The following HIVEP1 variants were observed in gnomAD, a reference collection of about 807,000 sequenced individuals.
HIVEP1 encodes zinc finger protein 40.
A neutral mutation model predicts 180.0 loss-of-function variants in HIVEP1; 36 were observed. The ratio of observed to expected loss-of-function variants is 0.20; its 90% CI spans 0.15 to 0.26. HIVEP1 has a LOEUF of 0.26. Among genes scored for constraint, HIVEP1 ranks in the 10% least tolerant of loss-of-function variants. The pLI is 1.00. For synonymous variants in HIVEP1, 1,239 were observed against 1,239.0 expected (o/e 1.00, Z 0.00); for missense variants, 3,143 against 3,268.7 (o/e 0.96, Z 0.94).
chr6:12,098,570 A>G (rs1773905883), intron 3 of HIVEP1, among the ~76,000 whole-genome samples: 1 of 152,244 alleles, frequency 6.6e-6, no homozygotes, highest in South Asian at 2.1e-4. Flanking sequence ...TATGAGACCA[A>G]AAAGAAAGAA....
At chr6:12,127,967 C>T (rs1488594360) in intron 4 of HIVEP1, among the ~76,000 whole-genome samples, 3 of 152,100 alleles carry the variant, frequency 2.0e-5, no homozygotes, top group Admixed American at 6.5e-5. Context: ...TTATGATTCA[C>T]AATGGGAAAG....
intron 2 of HIVEP1, among the ~76,000 whole-genome samples, chr6:12,028,563 CA>C (rs1164316568): frequency 6.6e-6 from 1 of 152,178 alleles, no homozygotes; most frequent in African/African-American, 2.4e-5. Context: ...ATTCAGCATT[CA>C]TGTTAATATC....
intron 2 of HIVEP1, among the ~76,000 whole-genome samples, chr6:12,088,427 G>A (rs1455570115): frequency 6.6e-6 from 1 of 152,084 alleles, no homozygotes; most frequent in Non-Finnish European, 1.5e-5. Flanking sequence ...ATGTCATGAA[G>A]TATGTATATC....
chr6:12,016,376 T>C (rs968499184), intron 2 of HIVEP1, among the ~76,000 whole-genome samples: 2 of 152,224 alleles, frequency 1.3e-5, no homozygotes, highest in African/African-American at 2.4e-5. Context: ...CTTCAGGAGA[T>C]AAGAATGTAG....
intron 2 of HIVEP1, among the ~76,000 whole-genome samples, chr6:12,017,542 C>T (rs1379449964): frequency 6.6e-6 from 1 of 152,244 alleles, no homozygotes; most frequent in Non-Finnish European, 1.5e-5. Context: ...GTTGCAACTG[C>T]TGCCTCCGGC....
intron 7 of HIVEP1, among the ~76,000 whole-genome samples, chr6:12,152,411 G>A (rs935221831): frequency 6.6e-6 from 1 of 151,962 alleles, no homozygotes; most frequent in African/African-American, 2.4e-5. Flanking sequence ...TGTTTAGGGG[G>A]CAGGGGCAGA....
rs981184785 is a variant in HIVEP1, at chr6:12,015,611, G to C, written c.-18G>C. ...CTGCAGTTTTTAAGAAGAAAAAGAAGGCCCTGAGTCAAAGAAGATGCCTCG... is the reference window on the plus strand; with the variant it reads ...CTGCAGTTTTTAAGAAGAAAAAGAACGCCCTGAGTCAAAGAAGATGCCTCG... On this transcript the variant is annotated 5_prime_UTR_variant, in exon 2 of 9. Transcript: ENST00000379388. 6.2e-7 allele frequency: 1 copy of C among 1,610,550 alleles called. No homozygotes were observed. The highest frequency in any genetic ancestry group is 1.3e-5 in the African/African-American group (1 of 74,692).
intron 4 of HIVEP1, among the ~76,000 whole-genome samples, chr6:12,126,464 TA>T (rs879860889): frequency 3.9e-5 from 6 of 152,232 alleles, no homozygotes; most frequent in Non-Finnish European, 8.8e-5. Flanking sequence ...TCAAGATTTA[TA>T]AAGTAATTTA....
At chr6:12,170,722 A>G in the HIVEP1 span, among the ~76,000 whole-genome samples, 2 of 152,214 alleles carry the variant, frequency 1.3e-5, no homozygotes, top group Admixed American at 6.5e-5. Context: ...TGGGCTCGTC[A>G]AGTGGAAAGA....
chr6:12,011,833 C>A (rs1025978672), upstream of HIVEP1, among the ~76,000 whole-genome samples: 1 of 147,252 alleles, frequency 6.8e-6, no homozygotes, highest in African/African-American at 2.5e-5. Flanking sequence ...CCGCGCCCCT[C>A]GCCCCGGCCT....
rs9471072 is a variant in HIVEP1, at chr6:12,151,430, A to G, written c.6488-10009A>G. 3.4e-3 allele frequency among the ~76,000 whole-genome samples: 515 copies of G among 152,314 alleles called. 3 individuals are homozygous for G. Among genetic ancestry groups the G allele is most frequent in the African/African-American group, 0.01 (433 of 41,574 alleles). On this transcript the variant is annotated intron_variant, in intron 7 of 8. Coordinates refer to ENST00000379388, the MANE Select transcript of HIVEP1 (RefSeq NM_002114.4). Reference sequence around the variant, plus strand: ...CCCTCCTGAAGTATTAGTGTGTATTATACACACCAAGAAAGGAACAATTGT... The same window carrying G: ...CCCTCCTGAAGTATTAGTGTGTATTGTACACACCAAGAAAGGAACAATTGT...
At chr6:12,115,790 A>G (rs1372657108) in intron 3 of HIVEP1, among the ~76,000 whole-genome samples, 1 of 151,826 alleles carries the variant, frequency 6.6e-6, no homozygotes, top group African/African-American at 2.4e-5. Context: ...AAATGACAAC[A>G]TTTCTGGAAT....
At chr6:12,094,986 T>C (rs1773704202) in intron 3 of HIVEP1, among the ~76,000 whole-genome samples, 1 of 152,018 alleles carries the variant, frequency 6.6e-6, no homozygotes, top group South Asian at 2.1e-4. Context: ...TCTTCAGTTT[T>C]AGGAAGTTGT....
chr6:12,131,773 A>C (rs1734132415), intron 6 of HIVEP1, among the ~76,000 whole-genome samples: 1 of 118,018 alleles, frequency 8.5e-6, no homozygotes, highest in Non-Finnish European at 1.8e-5. Context: ...ATGTCTGAGA[A>C]AACAGTAAAA....
the HIVEP1 span, among the ~76,000 whole-genome samples, chr6:12,203,030 A>G: frequency 0.38 from 58,266 of 152,166 alleles, 12,181 homozygotes; most frequent in East Asian, 0.56. Context: ...AAACATTTTC[A>G]GATGTTGAAT....
At chr6:12,202,539 A>G in the HIVEP1 span, among the ~76,000 whole-genome samples, 2 of 152,152 alleles carry the variant, frequency 1.3e-5, no homozygotes. Context: ...GGTTGAATCC[A>G]TTCTTAATTA....
upstream of HIVEP1, chr6:12,011,955 G>A (rs1282351777): frequency 7.7e-6 from 1 of 129,166 alleles, no homozygotes; most frequent in African/African-American, 2.8e-5. Context: ...CCGCGGGAAA[G>A]CCTCCGACCT....
chr6:12,014,158 G>A (rs1410038793), intron 1 of HIVEP1, among the ~76,000 whole-genome samples: 1 of 152,158 alleles, frequency 6.6e-6, no homozygotes, highest in African/African-American at 2.4e-5. Context: ...CTTCAGAGAG[G>A]TTAAGTAACC....
intron 3 of HIVEP1, among the ~76,000 whole-genome samples, chr6:12,109,958 C>G (rs949301075): frequency 6.6e-6 from 1 of 152,190 alleles, no homozygotes. Flanking sequence ...GAAAAATGGA[C>G]ATTGTATTAC....
Sources: allele counts gnomAD v4.1 joint callset (sites outside exome capture counted in the v4.1 genomes callset), GRCh38; gene constraint gnomAD v4.1.1; transcripts MANE v1.5; gene names NCBI Gene and HGNC (gene_info 2026-07-23, HGNC 2026-07-21).